The following CRYBG3 variants were observed in gnomAD, a reference collection of about 807,000 sequenced individuals.
CRYBG3 encodes very large A-kinase anchor protein.
Under a neutral mutation model 244.2 loss-of-function variants are expected in CRYBG3, and 127 were observed. The ratio of observed to expected loss-of-function variants is 0.52; its 90% CI spans 0.45 to 0.60. The LOEUF is 0.60. Ranked by LOEUF, CRYBG3 falls within the 20% of genes least tolerant of loss-of-function variation. The pLI is 0.00. For synonymous variants in CRYBG3, 1,132 were observed against 1,195.8 expected (o/e 0.95, Z 1.10); for missense variants, 3,325 against 3,442.5 (o/e 0.97, Z 0.85).
chr3:97,837,452 C>T (rs547626107), intron 1 of CRYBG3, among the ~76,000 whole-genome samples: 23 of 152,086 alleles, frequency 1.5e-4, no homozygotes, highest in African/African-American at 5.5e-4. Context: ...GGAGATTTGC[C>T]CTGATTCTTT....
At chr3:97,849,476 G>A (rs2038953422) in intron 2 of CRYBG3, among the ~76,000 whole-genome samples, 1 of 152,056 alleles carries the variant, frequency 6.6e-6, no homozygotes, top group East Asian at 1.9e-4. Flanking sequence ...TGCCCGAAAT[G>A]GAAAATGCGC....
intron 4 of CRYBG3, 92 bp downstream of exon 4, chr3:97,878,129 G>A: frequency 8.4e-7 from 1 of 1,195,710 alleles, no homozygotes; most frequent in South Asian, 1.6e-5. Context: ...TCAATGTTTT[G>A]GCCAAGCATG....
intron 20 of CRYBG3, 60 bp downstream of exon 20, chr3:97,941,366 A>G (rs1315501774): frequency 8.0e-7 from 1 of 1,252,356 alleles, no homozygotes; most frequent in Non-Finnish European, 1.1e-6. Flanking sequence ...TTTGAAAACT[A>G]GAATCCTGTC....
At chr3:97,940,791 T>A (rs1163612726) in intron 19 of CRYBG3, among the ~76,000 whole-genome samples, 1 of 151,838 alleles carries the variant, frequency 6.6e-6, no homozygotes, top group Non-Finnish European at 1.5e-5. Flanking sequence ...AGGTAATAAC[T>A]CCCCTACCTC....
At chr3:97,822,439 C>A in intron 1 of CRYBG3, 84 bp downstream of exon 1, 1 of 1,276,010 alleles carries the variant, frequency 7.8e-7, no homozygotes, top group South Asian at 1.7e-5. Context: ...GGCAGCGGGC[C>A]GCTCTTGGGC....
chr3:97,889,295 T>C (rs939857947), intron 9 of CRYBG3, 60 bp from the exon 10 acceptor site: 32 of 1,278,712 alleles, frequency 2.5e-5, no homozygotes, highest in Non-Finnish European at 2.8e-5. Context: ...CTTTCAGATA[T>C]TACATTCAAA....
intron 17 of CRYBG3, among the ~76,000 whole-genome samples, chr3:97,925,755 A>G (rs930420056): frequency 6.6e-6 from 1 of 152,068 alleles, no homozygotes; most frequent in Non-Finnish European, 1.5e-5. Flanking sequence ...TTTATTTTAA[A>G]ATGTGATACA....
intron 7 of CRYBG3, among the ~76,000 whole-genome samples, chr3:97,882,124 A>T (rs1387951576): frequency 6.6e-6 from 1 of 151,922 alleles, no homozygotes; most frequent in Non-Finnish European, 1.5e-5. Context: ...CAGGAGAATC[A>T]CTTGAACCTG....
intron 17 of CRYBG3, among the ~76,000 whole-genome samples, chr3:97,926,818 C>T (rs1012835961): frequency 3.0e-4 from 45 of 151,868 alleles, no homozygotes; most frequent in Non-Finnish European, 5.9e-5. Flanking sequence ...ATTCCATTCA[C>T]AATAGACACA....
chr3:97,864,642 G>T lies in CRYBG3; in HGVS notation c.642G>T (p.Leu214Phe), dbSNP rs2039199247. Residue 214 changes from leucine to phenylalanine, a missense_variant, in exon 3 of 22, where the codon TTG (leucine) becomes TTT (phenylalanine). Physicochemically the swap from Leu to Phe is conservative, Grantham distance 22. Transcript: ENST00000389622. ...ACAGTGACCAAGAAACCACTAATTT[G>T]CTAAAGTAAGTTTAAAATTTCATTG... ...TQDSDQETTN[L>F]LKQIDGKPEK... is the part of the protein sequence containing the mutation. The T allele has an allele frequency of 2.7e-6, 4 of 1,502,078 alleles. No homozygotes were observed. The highest frequency in any genetic ancestry group is 4.6e-5 in the Admixed American group (2 of 43,740). 93.0% of individuals were successfully genotyped at this position (1,502,078 alleles called of 1,614,324 possible).
At chr3:97,878,108 A>G in intron 4 of CRYBG3, 71 bp downstream of exon 4, 5 of 1,375,304 alleles carry the variant, frequency 3.6e-6, no homozygotes, top group Non-Finnish European at 4.0e-6. Context: ...CTAAAGGCTT[A>G]TTAAGAAAAG....
chr3:97,842,324 A>G (rs1237068457), intron 1 of CRYBG3, among the ~76,000 whole-genome samples: 1 of 152,140 alleles, frequency 6.6e-6, no homozygotes, highest in Non-Finnish European at 1.5e-5. Flanking sequence ...GCACTTTGAA[A>G]GGCCAAGTTT....
At position 97,915,716 on chromosome 3, in the gene CRYBG3, T is replaced by C. The variant is rs758647651; in HGVS notation, c.8221T>C (p.Ser2741Pro). Residue 2741 changes from serine (S) to proline (P), a missense_variant, in exon 17 of 22, where the codon TCT (serine) becomes CCT (proline). Coordinates refer to ENST00000389622, the MANE Select transcript of CRYBG3 (RefSeq NM_153605.4). ...CGGTTGCCCAGCATCTAAAGTCAAA[T>C]CTCTCAAGCCCATTGACTATGTAAG... ...SCGCPASKVKSLKPIDYVFEE... is the reference protein window; with the variant it reads ...SCGCPASKVKPLKPIDYVFEE... 6.2e-7 allele frequency: 1 copy of C among 1,612,282 alleles called. No homozygotes were observed. The highest frequency in any genetic ancestry group is 1.1e-5 in the South Asian group (1 of 90,916).
chr3:97,919,037 A>C (rs911853095), intron 17 of CRYBG3, among the ~76,000 whole-genome samples: 2 of 152,216 alleles, frequency 1.3e-5, no homozygotes, highest in Non-Finnish European at 2.9e-5. Flanking sequence ...AATACAATCT[A>C]TCAGAGATGT....
At chr3:97,932,444 A>G (rs939504965) in intron 17 of CRYBG3, among the ~76,000 whole-genome samples, 13 of 152,030 alleles carry the variant, frequency 8.6e-5, no homozygotes, top group African/African-American at 2.7e-4. Context: ...CACTGCTGCA[A>G]AGAAAAACTA....
At chr3:97,830,905 G>A (rs1029650365) in intron 1 of CRYBG3, among the ~76,000 whole-genome samples, 3 of 152,154 alleles carry the variant, frequency 2.0e-5, no homozygotes, top group African/African-American at 7.2e-5. Flanking sequence ...TGTGTGGTCT[G>A]TGCTTTCTAT....
Position 97,822,173 on chromosome 3 carries a change from T to G in CRYBG3, c.-34T>G, listed in dbSNP as rs568293579. 505 of 1,488,966 alleles carry G rather than the reference T, an allele frequency of 3.4e-4. 3 individuals are homozygous for G. In the Admixed American group the frequency reaches 9.7e-3, roughly 29 times the overall value. The allele number at this position is 1,488,966 out of a possible 1,614,324, so 92.2% of individuals were successfully genotyped here. A position where few individuals can be genotyped will look rare whatever the true frequency, so the allele number is the denominator to read the frequency against. On this transcript the variant is annotated 5_prime_UTR_variant, in exon 1 of 22. Coordinates refer to ENST00000389622, the MANE Select transcript of CRYBG3 (RefSeq NM_153605.4). ...CCAGGCAACACCTAGGCCGTTCCCT[T>G]CAGACAGCCCCGGGCCAGCGGCCCC...
In CRYBG3 at chr3:97,886,617, T is replaced by C; in HGVS notation, c.7153-14T>C. 1 of 1,021,288 alleles carries C rather than the reference T, an allele frequency of 9.8e-7. No homozygotes were observed. The highest frequency in any genetic ancestry group is 2.0e-5 in the South Asian group (1 of 49,948). 63.3% of individuals were successfully genotyped at this position (1,021,288 alleles called of 1,614,324 possible). On this transcript the variant is annotated splice_polypyrimidine_tract_variant and intron_variant, in intron 7 of 21. Coordinates refer to ENST00000389622, the MANE Select transcript of CRYBG3 (RefSeq NM_153605.4). Reference sequence around the variant, plus strand: ...TCTAGTTGATTTCAAAGCCAAATTATTTTTTTTTTTCAGGACTGCAGCATT... The same window carrying C: ...TCTAGTTGATTTCAAAGCCAAATTACTTTTTTTTTTCAGGACTGCAGCATT...
rs2039316132 is a variant in CRYBG3, at chr3:97,872,416, A to G, written c.1222A>G (p.Ile408Val). The G allele has an allele frequency of 2.6e-6, 4 of 1,535,904 alleles. No homozygotes were observed. The highest frequency in any genetic ancestry group is 2.7e-5 in the African/African-American group (2 of 73,132). Residue 408 changes from isoleucine (I) to valine (V), a missense_variant, in exon 4 of 22, where the codon ATA (isoleucine) becomes GTA (valine). By Grantham distance (29) the Ile-to-Val change is conservative. Coordinates refer to ENST00000389622, the MANE Select transcript of CRYBG3 (RefSeq NM_153605.4). The part of the protein sequence containing the change: ...FQRVTTTENT[I>V]KENSTVMSNR... The stretch of plus-strand genomic sequence containing the variant: ...GAGAGTAACTACAACAGAAAATACG[A>G]TAAAAGAAAACAGCACTGTGATGAG...
Sources: allele counts gnomAD v4.1 joint callset (sites outside exome capture counted in the v4.1 genomes callset), GRCh38; gene constraint gnomAD v4.1.1; transcripts MANE v1.5; gene names NCBI Gene and HGNC (gene_info 2026-07-23, HGNC 2026-07-21).